The following SMAP1 variants were observed in gnomAD, a reference collection of about 807,000 sequenced individuals.
SMAP1 encodes stromal membrane-associated protein 1.
In SMAP1, 24 loss-of-function variants were observed where a neutral mutation model predicts 58.5. The observed-to-expected ratio is 0.41, with a 90% CI of 0.30 to 0.58. SMAP1 has a LOEUF of 0.58. Ranked by LOEUF, SMAP1 falls within the 20% of genes least tolerant of loss-of-function variation. SMAP1 has a pLI of 0.29. For missense variants in SMAP1, 563 were observed against 566.3 expected (o/e 0.99, Z 0.06); for synonymous variants, 216 against 196.6 (o/e 1.10, Z -0.82).
At chr6:70,737,750 A>T (rs972856472) in intron 2 of SMAP1, among the ~76,000 whole-genome samples, 1 of 152,200 alleles carries the variant, frequency 6.6e-6, no homozygotes, top group African/African-American at 2.4e-5. Context: ...AAATTCTGTG[A>T]GATAACGCTT....
chr6:70,741,120 C>T (rs1391598080), intron 2 of SMAP1, among the ~76,000 whole-genome samples: 1 of 152,146 alleles, frequency 6.6e-6, no homozygotes, highest in African/African-American at 2.4e-5. Context: ...CCCTTGGCCC[C>T]TCCCAAATCT....
At chr6:70,729,519 C>G (rs1463012213) in intron 1 of SMAP1, among the ~76,000 whole-genome samples, 3 of 136,518 alleles carry the variant, frequency 2.2e-5, no homozygotes, top group Non-Finnish European at 3.2e-5. Context: ...CCAGTTTGAA[C>G]TTTAGTCCTA....
At position 70,785,667 on chromosome 6, in the gene SMAP1, C is replaced by T. The variant is rs1444026755; in HGVS notation, c.415-6022C>T. On this transcript the variant is annotated intron_variant, in intron 4 of 10. Transcript: ENST00000370455. ...TACAAACTACCATCAGAGAATACGA[C>T]AAACACCTCTACGCAAATAAACTAG... Among the ~76,000 whole-genome samples, 3 of 152,288 alleles carry T rather than the reference C, an allele frequency of 2.0e-5. No homozygotes were observed. In the East Asian group the frequency reaches 5.8e-4, roughly 29 times the overall value.
At chr6:70,777,288 C>T (rs2149919926) in intron 4 of SMAP1, among the ~76,000 whole-genome samples, 1 of 152,306 alleles carries the variant, frequency 6.6e-6, no homozygotes, top group Non-Finnish European at 1.5e-5. Flanking sequence ...CACCCGTCTT[C>T]TGCATCGTTC....
At chr6:70,794,458 A>T (rs1319041152) in intron 5 of SMAP1, among the ~76,000 whole-genome samples, 1 of 152,160 alleles carries the variant, frequency 6.6e-6, no homozygotes, top group African/African-American at 2.4e-5. Context: ...AAGTTCTAAG[A>T]TACATGTGCA....
At chr6:70,672,709 C>G (rs1039122274) in intron 1 of SMAP1, among the ~76,000 whole-genome samples, 1 of 151,892 alleles carries the variant, frequency 6.6e-6, no homozygotes, top group Non-Finnish European at 1.5e-5. Context: ...GCACAGAGCC[C>G]CTGGCAGGCA....
intron 8 of SMAP1, among the ~76,000 whole-genome samples, chr6:70,855,772 C>G (rs1338131311): frequency 6.6e-6 from 1 of 152,280 alleles, no homozygotes; most frequent in Admixed American, 6.5e-5. Context: ...GCTCTTAGCT[C>G]TATGATCTGC....
chr6:70,744,729 ATCCTTGGGG>A (rs1765954188), intron 2 of SMAP1, among the ~76,000 whole-genome samples: 1 of 152,210 alleles, frequency 6.6e-6, no homozygotes, highest in Non-Finnish European at 1.5e-5. Flanking sequence ...CTAGTTCTAG[ATCCTTGGGG>A]AATTGCCACA....
intron 1 of SMAP1, among the ~76,000 whole-genome samples, chr6:70,672,900 A>G (rs1371329922): frequency 6.6e-6 from 1 of 151,932 alleles, no homozygotes. Context: ...GTATGAAAGA[A>G]CAGAAGAAGT....
At position 70,791,774 on chromosome 6, in the gene SMAP1, G is replaced by A. The variant is rs750920486; in HGVS notation, c.495+5G>A. ...GTTGACAAAAATAAATTGGAGGTAT[G>A]GTCATGTTTTAACCAGCTACATTAT... On this transcript the variant is annotated splice_donor_5th_base_variant and intron_variant, in intron 5 of 10. Transcript: ENST00000370455. The A allele has an allele frequency of 6.2e-7, 1 of 1,611,020 alleles. No homozygotes were observed. The highest frequency in any genetic ancestry group is 2.2e-5 in the East Asian group (1 of 44,786).
In SMAP1 at chr6:70,677,432, CTTTTTTTTT is replaced by C. The variant is rs58133069; in HGVS notation, c.118+9311_118+9319del. On this transcript the variant is annotated intron_variant, in intron 1 of 10. Coordinates refer to ENST00000370455, the MANE Select transcript of SMAP1 (RefSeq NM_001044305.3). ...TCTTGAATCCCATACCTTGTCACTT[CTTTTTTTTT>C]TTTTTTTTTTTTTTTTTTTGAGGTG... Among the ~76,000 whole-genome samples the C allele has an allele frequency of 6.6e-5, 4 of 60,376 alleles. No homozygotes were observed. The East Asian group carries it at 2.0e-3, about 30-fold the overall frequency. 39.6% of individuals were successfully genotyped at this position (60,376 alleles called of 152,430 possible).
chr6:70,758,765 T>C (rs181220804), intron 3 of SMAP1, among the ~76,000 whole-genome samples: 1 of 152,182 alleles, frequency 6.6e-6, no homozygotes, highest in East Asian at 1.9e-4. Context: ...AAAGCTACAT[T>C]AAGATTGGCT....
At chr6:70,671,140 A>G (rs188918418) in intron 1 of SMAP1, among the ~76,000 whole-genome samples, 5 of 151,856 alleles carry the variant, frequency 3.3e-5, no homozygotes, top group Admixed American at 1.3e-4. Context: ...TTTAGTTTTC[A>G]GTATTTAAAG....
chr6:70,766,729 G>A (rs1362782454), intron 3 of SMAP1, among the ~76,000 whole-genome samples: 1 of 152,106 alleles, frequency 6.6e-6, no homozygotes, highest in Non-Finnish European at 1.5e-5. Flanking sequence ...TTCTTTTGCT[G>A]TGCAGAAGCT....
intron 1 of SMAP1, among the ~76,000 whole-genome samples, chr6:70,673,445 T>C (rs1342812905): frequency 6.6e-6 from 1 of 152,252 alleles, no homozygotes; most frequent in African/African-American, 2.4e-5. Flanking sequence ...AGGGAGTCTT[T>C]TAGCTTTCTA....
intron 4 of SMAP1, among the ~76,000 whole-genome samples, chr6:70,784,839 C>T (rs1170368379): frequency 1.3e-5 from 2 of 152,114 alleles, no homozygotes; most frequent in East Asian, 3.8e-4. Flanking sequence ...CTTAGACTCC[C>T]ACACAATAAT....
chr6:70,679,382 G>A (rs994042962), intron 1 of SMAP1, among the ~76,000 whole-genome samples: 3 of 152,060 alleles, frequency 2.0e-5, no homozygotes, highest in Non-Finnish European at 4.4e-5. Context: ...GGATGATGAA[G>A]TACTACTTAA....
At chr6:70,755,657 G>A (rs1163506095) in intron 3 of SMAP1, among the ~76,000 whole-genome samples, 1 of 151,828 alleles carries the variant, frequency 6.6e-6, no homozygotes, top group African/African-American at 2.4e-5. Context: ...TAAGTTGAGG[G>A]GCATCTCTGT....
intron 1 of SMAP1, among the ~76,000 whole-genome samples, chr6:70,726,396 A>C (rs1480432964): frequency 2.0e-5 from 3 of 152,228 alleles, no homozygotes; most frequent in Non-Finnish European, 4.4e-5. Flanking sequence ...CAAAGAGATC[A>C]CTGTTTCTCA....
Sources: allele counts gnomAD v4.1 joint callset (sites outside exome capture counted in the v4.1 genomes callset), GRCh38; gene constraint gnomAD v4.1.1; transcripts MANE v1.5; gene names NCBI Gene and HGNC (gene_info 2026-07-23, HGNC 2026-07-21).